NRCAM: variants seen among roughly 807,000 people sequenced by gnomAD.
The protein encoded by NRCAM is NgCAM-related cell adhesion molecule.
A neutral mutation model predicts 156.5 loss-of-function variants in NRCAM; 83 were observed. That is an observed-to-expected ratio of 0.53 (90% CI 0.44 to 0.64). NRCAM has a LOEUF of 0.64. Among genes scored for constraint, NRCAM ranks in the 30% least tolerant of loss-of-function variants. The pLI, the probability that NRCAM is intolerant of heterozygous loss-of-function variation, is 0.00. For missense variants in NRCAM, 1,417 were observed against 1,597.3 expected (o/e 0.89, Z 1.92); for synonymous variants, 538 against 563.9 (o/e 0.95, Z 0.65).
At chr7:108,170,980 A>G (rs1167447153) in intron 28 of NRCAM, among the ~76,000 whole-genome samples, 1 of 152,222 alleles carries the variant, frequency 6.6e-6, no homozygotes, top group Non-Finnish European at 1.5e-5. Flanking sequence ...AGTATTATAC[A>G]CTGGAAATTT....
At chr7:108,211,633 CTGCATGACTCAGCAGAGGGACAACT>C (rs1022380027) in intron 11 of NRCAM, among the ~76,000 whole-genome samples, 2 of 152,154 alleles carry the variant, frequency 1.3e-5, no homozygotes, top group South Asian at 2.1e-4. Flanking sequence ...CCCCAACAAC[CTGCATGACTCAGCAGAGGGACAACT>C]TGCATGACTC....
At chr7:108,397,782 GT>G (rs1461928658) in intron 2 of NRCAM, among the ~76,000 whole-genome samples, 2 of 152,264 alleles carry the variant, frequency 1.3e-5, no homozygotes, top group East Asian at 3.9e-4. Flanking sequence ...GCTTGTTACT[GT>G]CCTTAACTTC....
At chr7:108,160,607 T>C in intron 30 of NRCAM, 115 bp from the exon 31 acceptor site, 1 of 742,110 alleles carries the variant, frequency 1.3e-6, no homozygotes, top group Non-Finnish European at 2.1e-6. Context: ...ATTTTACATG[T>C]GGCCCCAAAT....
intron 1 of NRCAM, among the ~76,000 whole-genome samples, chr7:108,437,885 G>A (rs1834086983): frequency 6.6e-6 from 1 of 151,798 alleles, no homozygotes; most frequent in South Asian, 2.1e-4. Context: ...AATTAAGTTA[G>A]TATTATTCTG....
intron 2 of NRCAM, chr7:108,313,164 A>G (rs1380845366): frequency 3.3e-5 from 5 of 152,186 alleles, no homozygotes; most frequent in African/African-American, 9.7e-5. Context: ...GGTCATAAAA[A>G]GAAGCTGGGA....
At chr7:108,295,115 T>C (rs896401787) in intron 3 of NRCAM, among the ~76,000 whole-genome samples, 2 of 152,220 alleles carry the variant, frequency 1.3e-5, no homozygotes, top group African/African-American at 4.8e-5. Flanking sequence ...ATTAAATCTG[T>C]TGATTTTGTA....
At chr7:108,329,715 T>C (rs1217307397) in intron 2 of NRCAM, among the ~76,000 whole-genome samples, 5 of 152,116 alleles carry the variant, frequency 3.3e-5, no homozygotes, top group Admixed American at 6.6e-5. Context: ...TGTAACCTAA[T>C]CTCCTTCAAA....
chr7:108,409,274 A>G (rs969180878), intron 1 of NRCAM, among the ~76,000 whole-genome samples: 7 of 152,224 alleles, frequency 4.6e-5, no homozygotes, highest in Non-Finnish European at 7.3e-5. Context: ...TTTTTCCTAA[A>G]TAGAAATGGA....
At chr7:108,425,805 G>A (rs1816529509) in intron 1 of NRCAM, among the ~76,000 whole-genome samples, 1 of 152,116 alleles carries the variant, frequency 6.6e-6, no homozygotes, top group Non-Finnish European at 1.5e-5. Flanking sequence ...CATTGTCTAG[G>A]TGCGTCCTGA....
intron 3 of NRCAM, among the ~76,000 whole-genome samples, chr7:108,240,474 G>A (rs534925617): frequency 4.6e-5 from 7 of 152,144 alleles, no homozygotes; most frequent in African/African-American, 7.2e-5. Context: ...CAACAGATCA[G>A]GAAAACTTGG....
intron 3 of NRCAM, among the ~76,000 whole-genome samples, chr7:108,242,573 G>A (rs898982335): frequency 6.6e-6 from 1 of 152,128 alleles, no homozygotes; most frequent in Non-Finnish European, 1.5e-5. Context: ...ATTCACATAA[G>A]CTTTAGGGAA....
rs577673385 is a variant in NRCAM, at chr7:108,219,238, C to T, written c.890+4487G>A. ...ATTAAAAAATTACCAAAAAAAAGTC[C>T]ATGACCACATGGATTCACAGCAGAA... On this transcript the variant is annotated intron_variant, in intron 11 of 32. Transcript: ENST00000379028. Among the ~76,000 whole-genome samples, 155 of 152,136 alleles carry T rather than the reference C, an allele frequency of 1.0e-3. 1 individual carries two copies. Among genetic ancestry groups the T allele is most frequent in the African/African-American group, 3.7e-3 (153 of 41,502 alleles).
chr7:108,312,561 A>G (rs1038374825), intron 3 of NRCAM, 104 bp downstream of exon 3: 13 of 152,208 alleles, frequency 8.5e-5, no homozygotes, highest in African/African-American at 2.9e-4. Flanking sequence ...CTCTGGATTG[A>G]AAAGTATTAA....
intron 3 of NRCAM, among the ~76,000 whole-genome samples, chr7:108,302,109 A>G (rs1437815912): frequency 6.6e-6 from 1 of 151,406 alleles, no homozygotes; most frequent in Non-Finnish European, 1.5e-5. Flanking sequence ...CTTTCCCCTT[A>G]TATTTCACTC....
intron 2 of NRCAM, among the ~76,000 whole-genome samples, chr7:108,320,964 T>C (rs1175982077): frequency 6.6e-6 from 1 of 152,254 alleles, no homozygotes; most frequent in Non-Finnish European, 1.5e-5. Context: ...TTTCATATTC[T>C]GGATAAAAAC....
intron 3 of NRCAM, among the ~76,000 whole-genome samples, chr7:108,291,668 C>G (rs1175017971): frequency 6.6e-6 from 1 of 151,994 alleles, no homozygotes; most frequent in East Asian, 1.9e-4. Flanking sequence ...CACAAATTCT[C>G]TAAGTTACAG....
At chr7:108,189,556 C>A (rs1246494144) in intron 20 of NRCAM, 89 bp downstream of exon 20, 25 of 707,284 alleles carry the variant, frequency 3.5e-5, no homozygotes, top group Non-Finnish European at 1.0e-5. Flanking sequence ...CCAGTAAATA[C>A]CTTTGTGAGG....
At chr7:108,255,812 C>G (rs986134443) in intron 3 of NRCAM, among the ~76,000 whole-genome samples, 3 of 150,004 alleles carry the variant, frequency 2.0e-5, no homozygotes, top group Admixed American at 6.6e-5. Flanking sequence ...GCGTCTCTGC[C>G]GGGCTGCCCC....
Position 108,150,581 on chromosome 7 carries a change from T to C in NRCAM, c.3678-434A>G, listed in dbSNP as rs148824834. 533 of 457,030 alleles carry C rather than the reference T, an allele frequency of 1.2e-3. 12 individuals carry two copies. In the East Asian group the frequency reaches 0.026, roughly 22 times the overall value. The allele number at this position is 457,030 out of a possible 1,614,324, so 28.3% of individuals were successfully genotyped here. A position where few individuals can be genotyped will look rare whatever the true frequency, so the allele number is the denominator to read the frequency against. On this transcript the variant is annotated intron_variant, in intron 32 of 32. Coordinates refer to ENST00000379028, the MANE Select transcript of NRCAM (RefSeq NM_001037132.4). ...CCTTGGTTGTGAATGGAGCATGATT[T>C]TGGTTAAGTGTGAAATGTGGATTTT...
Sources: allele counts gnomAD v4.1 joint callset (sites outside exome capture counted in the v4.1 genomes callset), GRCh38; gene constraint gnomAD v4.1.1; transcripts MANE v1.5; gene names NCBI Gene and HGNC (gene_info 2026-07-23, HGNC 2026-07-21).